RABGAP1L: variants seen among roughly 807,000 people sequenced by gnomAD.
RABGAP1L encodes the protein RAB GTPase activating protein 1 like.
Under a neutral mutation model 137.7 loss-of-function variants are expected in RABGAP1L, and 63 were observed. The observed-to-expected ratio is 0.46, with a 90% CI of 0.37 to 0.56. RABGAP1L has a LOEUF of 0.56. Among genes scored for constraint, RABGAP1L ranks in the 20% least tolerant of loss-of-function variants. The probability of loss-of-function intolerance (pLI) is 0.00; values close to 1 mark genes in which losing one functional copy is unlikely to be tolerated. For synonymous variants in RABGAP1L, 431 were observed against 433.7 expected (o/e 0.99, Z 0.08); for missense variants, 1,095 against 1,244.0 (o/e 0.88, Z 1.80).
chr1:174,359,426 G>A (rs770248638), intron 11 of RABGAP1L, among the ~76,000 whole-genome samples: 1 of 152,136 alleles, frequency 6.6e-6, no homozygotes, highest in African/African-American at 2.4e-5. Context: ...TGGGTCATAC[G>A]CTTGATGTCA....
chr1:174,853,179 A>G (rs1004891080), intron 19 of RABGAP1L, among the ~76,000 whole-genome samples: 2 of 150,692 alleles, frequency 1.3e-5, no homozygotes, highest in Non-Finnish European at 3.0e-5. Flanking sequence ...AAAGGTAATA[A>G]TTTGCATAAT....
chr1:174,278,892 A>T (rs1001604537), intron 10 of RABGAP1L, 113 bp downstream of exon 10: 11 of 958,354 alleles, frequency 1.1e-5, no homozygotes, highest in East Asian at 2.9e-5. Context: ...TCCTCAAAGA[A>T]ATCAAATGAT....
intron 13 of RABGAP1L, among the ~76,000 whole-genome samples, chr1:174,630,114 AT>A (rs1452830542): frequency 4.0e-5 from 6 of 151,290 alleles, no homozygotes; most frequent in African/African-American, 1.5e-4. Context: ...GGGTTGTTGA[AT>A]TTTGTCAAAG....
At position 174,694,649 on chromosome 1, in the gene RABGAP1L, G is replaced by A. The variant is rs886126360; in HGVS notation, c.1900-4876G>A. 7.2e-5 allele frequency among the ~76,000 whole-genome samples: 11 copies of A among 151,808 alleles called. No homozygotes were observed. The East Asian group carries it at 1.2e-3, about 16-fold the overall frequency. ...AGTCTTTGCTATTGTGAATAATGCC[G>A]CAATAAACATACGTGTGTATGTGTC... is the stretch of plus-strand genomic sequence containing the variant. On this transcript the variant is annotated intron_variant, in intron 15 of 25. Transcript: ENST00000681986.
At chr1:174,839,056 T>TGTGTGTGTGTGTG (rs1553261082) in intron 19 of RABGAP1L, among the ~76,000 whole-genome samples, 4 of 140,952 alleles carry the variant, frequency 2.8e-5, no homozygotes, top group South Asian at 2.3e-4. Flanking sequence ...TGTGTGTGTG[T>TGTGTGTGTGTGTG]TGGTAGGGGT....
At chr1:174,529,024 G>T (rs1572183101) in intron 13 of RABGAP1L, among the ~76,000 whole-genome samples, 2 of 147,600 alleles carry the variant, frequency 1.4e-5, no homozygotes, top group Non-Finnish European at 1.5e-5. Context: ...TATCTCTTTG[G>T]TATATTTCTC....
intron 19 of RABGAP1L, among the ~76,000 whole-genome samples, chr1:174,912,719 T>C (rs1002492820): frequency 2.0e-5 from 3 of 152,212 alleles, no homozygotes; most frequent in Non-Finnish European, 4.4e-5. Flanking sequence ...TCCAGATATA[T>C]GTAGTCATAT....
chr1:174,973,359 CT>C (rs1670318205), intron 21 of RABGAP1L, among the ~76,000 whole-genome samples: 1 of 150,310 alleles, frequency 6.7e-6, no homozygotes, highest in African/African-American at 2.4e-5. Context: ...GTTTTTCCCC[CT>C]TTTCTTTTCT....
At chr1:174,847,383 G>A (rs1423381320) in intron 19 of RABGAP1L, among the ~76,000 whole-genome samples, 1 of 151,434 alleles carries the variant, frequency 6.6e-6, no homozygotes, top group Non-Finnish European at 1.5e-5. Context: ...TCCTTTCCAT[G>A]TTTAGTGCTT....
intron 11 of RABGAP1L, chr1:174,365,203 C>G (rs1684507628): frequency 6.6e-6 from 1 of 152,402 alleles, no homozygotes; most frequent in Non-Finnish European, 1.5e-5. Context: ...AGTGCTCATT[C>G]AAAGCCATCT....
At chr1:174,496,202 C>G (rs1660719199) in intron 13 of RABGAP1L, among the ~76,000 whole-genome samples, 1 of 152,046 alleles carries the variant, frequency 6.6e-6, no homozygotes, top group South Asian at 2.1e-4. Context: ...GTAGAAAGGA[C>G]TGAAGATGAT....
intron 11 of RABGAP1L, among the ~76,000 whole-genome samples, chr1:174,336,068 T>G (rs568193590): frequency 6.6e-6 from 1 of 152,296 alleles, no homozygotes; most frequent in East Asian, 1.9e-4. Context: ...TTAAAAAAAT[T>G]TTCCCCCTGA....
intron 19 of RABGAP1L, among the ~76,000 whole-genome samples, chr1:174,905,521 A>G (rs1433823139): frequency 4.0e-5 from 6 of 150,972 alleles, no homozygotes; most frequent in Non-Finnish European, 7.4e-5. Flanking sequence ...TAAACAGAGG[A>G]AAAAAAAAAT....
intron 13 of RABGAP1L, among the ~76,000 whole-genome samples, chr1:174,475,772 TAAAAAAAA>T (rs61597461): frequency 7.2e-5 from 5 of 69,930 alleles, no homozygotes; most frequent in African/African-American, 1.2e-4. Context: ...CCCCGTGTCT[TAAAAAAAA>T]AAAAAAAAAA....
At chr1:174,872,503 G>A (rs1652366215) in intron 19 of RABGAP1L, among the ~76,000 whole-genome samples, 1 of 151,646 alleles carries the variant, frequency 6.6e-6, no homozygotes, top group Non-Finnish European at 1.5e-5. Context: ...AACCTGCTTG[G>A]AATATTGATT....
intron 24 of RABGAP1L, among the ~76,000 whole-genome samples, chr1:174,984,854 T>A (rs1671452547): frequency 6.6e-6 from 1 of 152,178 alleles, no homozygotes; most frequent in Non-Finnish European, 1.5e-5. Context: ...TTATGGAGAT[T>A]GGACTAAAGC....
intron 11 of RABGAP1L, among the ~76,000 whole-genome samples, chr1:174,315,735 T>C (rs897779876): frequency 6.6e-6 from 1 of 152,098 alleles, no homozygotes; most frequent in Non-Finnish European, 1.5e-5. Flanking sequence ...TAGTCTTCTT[T>C]GGGTTAAATG....
At chr1:174,822,036 G>A (rs934702019) in intron 19 of RABGAP1L, among the ~76,000 whole-genome samples, 1 of 152,240 alleles carries the variant, frequency 6.6e-6, no homozygotes, top group African/African-American at 2.4e-5. Flanking sequence ...GCCGAGGCGG[G>A]TGGATCACGA....
chr1:174,932,931 A>T (rs995299146), intron 19 of RABGAP1L, among the ~76,000 whole-genome samples: 1 of 152,034 alleles, frequency 6.6e-6, no homozygotes, highest in Non-Finnish European at 1.5e-5. Context: ...AGAATCAGGT[A>T]TTTCTCCAAG....
Sources: gnomAD v4.1 joint callset for allele counts (sites outside exome capture counted in the v4.1 genomes callset) on GRCh38, gnomAD v4.1.1 for gene constraint, MANE v1.5 for transcripts, NCBI Gene and HGNC (gene_info 2026-07-23, HGNC 2026-07-21) for gene names.